The following TFF3 variants were observed in gnomAD, a reference collection of about 807,000 sequenced individuals.
TFF3 encodes the protein trefoil factor 3.
In TFF3, 6 loss-of-function variants were observed where a neutral mutation model predicts 9.7. The ratio of observed to expected loss-of-function variants is 0.62; its 90% confidence interval spans 0.34 to 1.22. The LOEUF is 1.22. Among genes scored for constraint, TFF3 ranks in the 50% most tolerant of loss-of-function variants. TFF3 has a pLI of 0.04. For synonymous variants in TFF3, 48 were observed against 41.4 expected (o/e 1.16, Z -0.61); for missense variants, 93 against 98.6 (o/e 0.94, Z 0.24).
chr21:42,313,764 G>A lies in TFF3; in HGVS notation c.83-133C>T, dbSNP rs974511073. ...GAGTTCAACCACTGCTGAAACCCTC[G>A]CCCTTAGGAAGATGCACTTTCCCTG... On this transcript the variant is annotated intron_variant, in intron 1 of 2. Transcript: ENST00000518498. The surrounding 1 kb of genome is among the most constrained non-coding windows in gnomAD (Gnocchi z 4.0). 3 of 1,039,256 alleles carry A rather than the reference G, an allele frequency of 2.9e-6. No individual in the cohort carries two copies. Among genetic ancestry groups the A allele is most frequent in the Non-Finnish European group, 4.0e-6 (3 of 749,428 alleles). 64.4% of individuals were successfully genotyped at this position (1,039,256 alleles called of 1,614,324 possible). A position where few individuals can be genotyped will look rare whatever the true frequency, so the allele number is the denominator to read the frequency against.
At position 42,312,181 on chromosome 21, in the gene TFF3, T is replaced by C. The variant is rs2146376592; in HGVS notation, c.*75A>G. 3 of 1,599,550 alleles carry C rather than the reference T, an allele frequency of 1.9e-6. No homozygotes were observed. Among genetic ancestry groups the C allele is most frequent in the Non-Finnish European group, 2.6e-6 (3 of 1,166,944 alleles). On this transcript the variant is annotated 3_prime_UTR_variant, in exon 3 of 3. Transcript: ENST00000518498. ...GGGACAGAAAAGCTGAGATGAACAG[T>C]GCCTGGCAGCAATCACAGCCGGGCA...
At chr21:42,314,044 C>T (rs1049457081) in intron 1 of TFF3, among the ~76,000 whole-genome samples, 2 of 152,172 alleles carry the variant, frequency 1.3e-5, no homozygotes, top group African/African-American at 2.4e-5. Flanking sequence ...GAGAGGCACA[C>T]GCCATAGAGA....
At chr21:42,312,791 C>T (rs899853406) in intron 2 of TFF3, among the ~76,000 whole-genome samples, 1 of 152,180 alleles carries the variant, frequency 6.6e-6, no homozygotes, top group Non-Finnish European at 1.5e-5. Flanking sequence ...CACGCAGGTG[C>T]GGCCTTCGTG....
chr21:42,311,878 G>A lies in TFF3; in HGVS notation c.*378C>T. On this transcript the variant is annotated 3_prime_UTR_variant, in exon 3 of 3. Transcript: ENST00000518498. ...CTTTCCCGAGGAAGCGGCACTTACA[G>A]TGTTCCTAGGCTTTCCTGTGACGTG... 2 of 395,288 alleles carry A rather than the reference G, an allele frequency of 5.1e-6. No homozygotes were observed. 24.5% of individuals were successfully genotyped at this position (395,288 alleles called of 1,614,324 possible).
intron 1 of TFF3, among the ~76,000 whole-genome samples, chr21:42,314,344 C>T (rs891607633): frequency 1.1e-4 from 17 of 152,226 alleles, no homozygotes; most frequent in African/African-American, 3.9e-4. Flanking sequence ...CTGGAATCAG[C>T]TGCAGAGCTT....
chr21:42,312,194 T>G lies in TFF3; in HGVS notation c.*62A>C. 6.2e-7 allele frequency: 1 copy of G among 1,612,524 alleles called. No individual in the cohort carries two copies. Among genetic ancestry groups the G allele is most frequent in the Non-Finnish European group, 8.5e-7 (1 of 1,178,790 alleles). On this transcript the variant is annotated 3_prime_UTR_variant, in exon 3 of 3. Coordinates refer to ENST00000518498, the MANE Select transcript of TFF3 (RefSeq NM_003226.4). Reference sequence around the variant, plus strand: ...TGAGATGAACAGTGCCTGGCAGCAATCACAGCCGGGCAAGGGTGCTCCGAG... The same window carrying G: ...TGAGATGAACAGTGCCTGGCAGCAAGCACAGCCGGGCAAGGGTGCTCCGAG...
rs943457636 is a variant in TFF3 at position 42,315,294 on chromosome 21, C to G, written c.81G>C (p.Leu27=). 6 of 1,613,076 alleles carry G rather than the reference C, an allele frequency of 3.7e-6. No homozygotes were observed. The highest frequency in any genetic ancestry group is 5.1e-6 in the Non-Finnish European group (6 of 1,179,760). The part of the protein sequence containing the change: ...SSSSAEEYVG[L]SANQCAVPAK... ...CGGGGCAGTCAGGGCAGTACTCACACAGGCCCACGTACTCCTCAGCAGAGC... is the reference window on the plus strand; with the variant it reads ...CGGGGCAGTCAGGGCAGTACTCACAGAGGCCCACGTACTCCTCAGCAGAGC... The change falls in exon 1 of 3, where the codon CTG becomes CTC. Residue 27 remains leucine, a splice_region_variant and synonymous_variant. Transcript: ENST00000518498.
In TFF3 at chr21:42,312,107, A is replaced by G. The variant is rs1244161576; in HGVS notation, c.*149T>C. Reference sequence around the variant, plus strand: ...GCATGGGACCTTTATTCGTTAAGACATCAGGCTCCAGATATGAACTTTCAG... The same window carrying G: ...GCATGGGACCTTTATTCGTTAAGACGTCAGGCTCCAGATATGAACTTTCAG... On this transcript the variant is annotated 3_prime_UTR_variant, in exon 3 of 3. Coordinates refer to ENST00000518498, the MANE Select transcript of TFF3 (RefSeq NM_003226.4). 1.9e-6 allele frequency: 2 copies of G among 1,052,772 alleles called. No homozygotes were observed. Among genetic ancestry groups the G allele is most frequent in the African/African-American group, 3.1e-5 (2 of 64,514 alleles). The allele number at this position is 1,052,772 out of a possible 1,614,324, so 65.2% of individuals were successfully genotyped here. A position where few individuals can be genotyped will look rare whatever the true frequency, so the allele number is the denominator to read the frequency against.
In TFF3 at chr21:42,313,795, A is replaced by G; in HGVS notation, c.83-164T>C. The G allele has an allele frequency of 2.7e-6, 2 of 748,702 alleles. No individual in the cohort carries two copies. The highest frequency in any genetic ancestry group is 4.0e-6 in the Non-Finnish European group (2 of 494,718). 46.4% of individuals were successfully genotyped at this position (748,702 alleles called of 1,614,324 possible). ...AGGAAGATGCACTTTCCCTGTGAAT[A>G]TTTAAAGAGAGGCAGTCTGTTAAAT... On this transcript the variant is annotated intron_variant, in intron 1 of 2. Coordinates refer to ENST00000518498, the MANE Select transcript of TFF3 (RefSeq NM_003226.4). The surrounding 1 kb of genome is among the most constrained non-coding windows in gnomAD (Gnocchi z 4.0).
At chr21:42,314,470 A>G (rs765010139) in intron 1 of TFF3, among the ~76,000 whole-genome samples, 2 of 152,280 alleles carry the variant, frequency 1.3e-5, no homozygotes, top group Non-Finnish European at 2.9e-5. Flanking sequence ...CTTGGCCAAC[A>G]TAGCGAAACT....
rs2069344106 is a variant in TFF3 at position 42,313,738 on chromosome 21, C to CAGCAGTGGTTCA, written c.83-108_83-107insTGAACCACTGCT. On this transcript the variant is annotated intron_variant, in intron 1 of 2. Transcript: ENST00000518498. This position sits in a 1 kb window ranked among gnomAD's most constrained non-coding sequence, Gnocchi z 4.0. ...ATCCTCCCGCTCCGCCCCACCCCGC[C>CAGCAGTGGTTCA]GAGTTCAACCACTGCTGAAACCCTC... 7.6e-7 allele frequency: 1 copy of CAGCAGTGGTTCA among 1,318,612 alleles called. No individual in the cohort carries two copies. Among genetic ancestry groups the CAGCAGTGGTTCA allele is most frequent in the African/African-American group, 1.5e-5 (1 of 66,824 alleles). The allele number at this position is 1,318,612 out of a possible 1,614,324, so 81.7% of individuals were successfully genotyped here.
chr21:42,312,232 C>T lies in TFF3; in HGVS notation c.*24G>A, dbSNP rs372247310. The T allele has an allele frequency of 2.3e-5, 37 of 1,613,564 alleles. No homozygotes were observed. The highest frequency in any genetic ancestry group is 4.0e-5 in the African/African-American group (3 of 74,918). On this transcript the variant is annotated 3_prime_UTR_variant, in exon 3 of 3. Coordinates refer to ENST00000518498, the MANE Select transcript of TFF3 (RefSeq NM_003226.4). Reference sequence around the variant, plus strand: ...AGGGTGCTCCGAGCCTCGCATCCCCCGGCCGGGGGCAGCTGGAGGTGCCTC... The same window carrying T: ...AGGGTGCTCCGAGCCTCGCATCCCCTGGCCGGGGGCAGCTGGAGGTGCCTC...
chr21:42,312,313 C>T, intron 2 of TFF3, 44 bp from the exon 3 acceptor site: 1 of 1,559,112 alleles, frequency 6.4e-7, no homozygotes, highest in East Asian at 2.2e-5. Context: ...TCTCTCCACC[C>T]ACGCTGCCCA....
In TFF3 at chr21:42,315,354, G is replaced by T. The variant is rs1457521506; in HGVS notation, c.21C>A (p.Cys7Ter). 6.2e-7 allele frequency: 1 copy of T among 1,614,080 alleles called. No individual in the cohort carries two copies. The highest frequency in any genetic ancestry group is 1.3e-5 in the African/African-American group (1 of 74,950). MAARAL[C>*]MLGLVLALLS... ...GCAAGGCCAGGACCAGCCCCAGCAT[G>T]CAGAGCGCTCTGGCAGCCATGACCA... The change falls in exon 1 of 3, where the codon TGC (cysteine) becomes TGA (stop). Residue 7 changes from cysteine (C) to a stop codon, truncating the protein, a stop_gained. Coordinates refer to ENST00000518498, the MANE Select transcript of TFF3 (RefSeq NM_003226.4). LOFTEE classifies it high-confidence loss of function.
chr21:42,312,168 C>G lies in TFF3; in HGVS notation c.*88G>C. On this transcript the variant is annotated 3_prime_UTR_variant, in exon 3 of 3. Coordinates refer to ENST00000518498, the MANE Select transcript of TFF3 (RefSeq NM_003226.4). ...TGCCGGGAGCAAAGGGACAGAAAAG[C>G]TGAGATGAACAGTGCCTGGCAGCAA... 6.3e-7 allele frequency: 1 copy of G among 1,579,880 alleles called. No individual in the cohort carries two copies. The highest frequency in any genetic ancestry group is 8.7e-7 in the Non-Finnish European group (1 of 1,148,960).
intron 1 of TFF3, 48 bp downstream of exon 1, chr21:42,315,244 CT>C (rs953486397): frequency 2.5e-6 from 4 of 1,585,536 alleles, no homozygotes; most frequent in Non-Finnish European, 3.4e-6. Flanking sequence ...TCCTGGATCC[CT>C]TCCCTTCACG....
intron 1 of TFF3, among the ~76,000 whole-genome samples, chr21:42,314,983 A>G (rs1314109657): frequency 6.6e-6 from 1 of 152,218 alleles, no homozygotes; most frequent in East Asian, 1.9e-4. Flanking sequence ...CAATGCATAA[A>G]GACCTATATT....
At chr21:42,312,998 G>T (rs4920083) in intron 2 of TFF3, among the ~76,000 whole-genome samples, 1 of 152,128 alleles carries the variant, frequency 6.6e-6, no homozygotes, top group Non-Finnish European at 1.5e-5. Flanking sequence ...CCTCCACCAC[G>T]GCAGAGAGAG....
chr21:42,313,440 G>A lies in TFF3; in HGVS notation c.229+45C>T, dbSNP rs138661760. 631 of 1,564,368 alleles carry A rather than the reference G, an allele frequency of 4.0e-4. 1 individual carries two copies. Among genetic ancestry groups the A allele is most frequent in the Admixed American group, 1.4e-3 (72 of 50,954 alleles). The stretch of plus-strand genomic sequence containing the variant: ...GGACAGGGAGGCCCTGAGACCCCCT[G>A]CCTTATGGGGCTGGGCCCAGACCAC... On this transcript the variant is annotated intron_variant, in intron 2 of 2. Coordinates refer to ENST00000518498, the MANE Select transcript of TFF3 (RefSeq NM_003226.4). The surrounding 1 kb of genome is among the most constrained non-coding windows in gnomAD (Gnocchi z 4.0).
Sources: allele counts gnomAD v4.1 joint callset (sites outside exome capture counted in the v4.1 genomes callset), GRCh38; gene constraint gnomAD v4.1.1; non-coding constraint Gnocchi (gnomAD v3.1); transcripts MANE v1.5; gene names NCBI Gene and HGNC (gene_info 2026-07-23, HGNC 2026-07-21).